DPP10: variants seen among roughly 807,000 people sequenced by gnomAD.
DPP10 encodes inactive dipeptidyl peptidase 10.
Under a neutral mutation model 120.9 loss-of-function variants are expected in DPP10, and 33 were observed. The ratio of observed to expected loss-of-function variants is 0.27; its 90% confidence interval spans 0.21 to 0.37. DPP10 has a LOEUF of 0.37. Among genes scored for constraint, DPP10 ranks in the 10% least tolerant of loss-of-function variants. DPP10 has a pLI of 1.00. For synonymous variants in DPP10, 337 were observed against 326.1 expected (o/e 1.03, Z -0.36); for missense variants, 816 against 942.8 (o/e 0.87, Z 1.76).
At chr2:115,774,418 C>T (rs189896502) in intron 13 of DPP10, among the ~76,000 whole-genome samples, 2 of 152,080 alleles carry the variant, frequency 1.3e-5, no homozygotes, top group East Asian at 1.9e-4. Flanking sequence ...AGTATCCTGT[C>T]CTTGGCTCAT....
chr2:115,145,945 C>T (rs2051199286), intron 1 of DPP10, among the ~76,000 whole-genome samples: 1 of 152,154 alleles, frequency 6.6e-6, no homozygotes, highest in Non-Finnish European at 1.5e-5. Flanking sequence ...TATACTACCA[C>T]TGCTGCCATT....
chr2:115,493,370 T>A (rs72959785), intron 3 of DPP10, among the ~76,000 whole-genome samples: 75 of 152,252 alleles, frequency 4.9e-4, no homozygotes, highest in African/African-American at 1.7e-3. Flanking sequence ...ATTGTAGTAC[T>A]GAGTTTTATA....
At chr2:114,791,475 A>G (rs558703457) in intron 1 of DPP10, among the ~76,000 whole-genome samples, 4 of 152,330 alleles carry the variant, frequency 2.6e-5, no homozygotes, top group African/African-American at 4.8e-5. Context: ...GAAGAGAGGA[A>G]GTAAGCGTAG....
At chr2:115,330,675 CATTT>C (rs1423038260) in intron 2 of DPP10, among the ~76,000 whole-genome samples, 1 of 151,902 alleles carries the variant, frequency 6.6e-6, no homozygotes, top group East Asian at 1.9e-4. Context: ...TTCCCAGCAC[CATTT>C]ATTAAATAGG....
intron 1 of DPP10, among the ~76,000 whole-genome samples, chr2:114,982,939 ATTAT>A (rs146048293): frequency 0.012 from 1,813 of 152,234 alleles, 45 homozygotes; most frequent in African/African-American, 0.039. Context: ...ATTATAAAAG[ATTAT>A]TTGTCTTACT....
chr2:114,856,006 T>C (rs1689338503), intron 1 of DPP10, among the ~76,000 whole-genome samples: 1 of 150,710 alleles, frequency 6.6e-6, no homozygotes, highest in Admixed American at 6.6e-5. Context: ...TCAAATAGTT[T>C]ATATACAGAA....
chr2:115,726,856 A>C (rs1249781364), intron 7 of DPP10, among the ~76,000 whole-genome samples: 1 of 152,062 alleles, frequency 6.6e-6, no homozygotes, highest in African/African-American at 2.4e-5. Context: ...CTGTGTGTTA[A>C]TTCTATACCA....
intron 1 of DPP10, among the ~76,000 whole-genome samples, chr2:114,497,228 T>C (rs1490418401): frequency 1.3e-5 from 2 of 149,204 alleles, no homozygotes; most frequent in African/African-American, 4.9e-5. Flanking sequence ...TGTATGCATG[T>C]ACGTGCGTAT....
chr2:115,043,076 G>A (rs1295204236), intron 1 of DPP10, among the ~76,000 whole-genome samples: 1 of 152,104 alleles, frequency 6.6e-6, no homozygotes, highest in Non-Finnish European at 1.5e-5. Flanking sequence ...AGTGGTGCTG[G>A]AATATATTTA....
intron 1 of DPP10, among the ~76,000 whole-genome samples, chr2:114,942,427 T>A (rs1697031864): frequency 8.1e-6 from 1 of 123,636 alleles, no homozygotes; most frequent in Non-Finnish European, 1.8e-5. Context: ...ATATATGATA[T>A]CTTGATATCT....
intron 1 of DPP10, among the ~76,000 whole-genome samples, chr2:114,739,133 A>C (rs1460285701): frequency 6.6e-6 from 1 of 152,204 alleles, no homozygotes. Context: ...AATGGTTGTC[A>C]TTCTACAAAA....
intron 1 of DPP10, among the ~76,000 whole-genome samples, chr2:114,583,730 G>T (rs1690724963): frequency 6.6e-6 from 1 of 152,136 alleles, no homozygotes; most frequent in African/African-American, 2.4e-5. Context: ...AGAAATACCT[G>T]CTATTTTAAA....
At chr2:114,855,955 A>AT (rs946934261) in intron 1 of DPP10, among the ~76,000 whole-genome samples, 1 of 151,898 alleles carries the variant, frequency 6.6e-6, no homozygotes, top group Admixed American at 6.6e-5. Flanking sequence ...GGCTAAAAAA[A>AT]AAAAGCCACA....
At chr2:114,796,586 C>T (rs6705319) in intron 1 of DPP10, among the ~76,000 whole-genome samples, 80,847 of 151,442 alleles carry the variant, frequency 0.53, 22,026 homozygotes, top group East Asian at 0.77. Context: ...AAAAGTTGTA[C>T]TCAGATTTTT....
intron 1 of DPP10, among the ~76,000 whole-genome samples, chr2:114,468,135 A>G (rs1274981806): frequency 6.6e-6 from 1 of 152,072 alleles, no homozygotes; most frequent in Non-Finnish European, 1.5e-5. Flanking sequence ...TCATTACAAT[A>G]CTCCGTAAAG....
rs530109315 is a variant in DPP10 at position 115,327,047 on chromosome 2, G to C, written c.176-16770G>C. On this transcript the variant is annotated intron_variant, in intron 2 of 25. Transcript: ENST00000410059. ...CAATCCTACAAGCTCCATTCTTGAA[G>C]TGCCCTATCCAGGTGTACCATTCTT... is the stretch of plus-strand genomic sequence containing the variant. 3.3e-5 allele frequency among the ~76,000 whole-genome samples: 5 copies of C among 152,072 alleles called. No individual in the cohort carries two copies. The South Asian group carries it at 1.0e-3, about 32-fold the overall frequency.
chr2:114,497,392 CATACAT>C (rs1486390115), intron 1 of DPP10, among the ~76,000 whole-genome samples: 15 of 130,718 alleles, frequency 1.1e-4, no homozygotes, highest in African/African-American at 1.5e-4. Flanking sequence ...TATACATACA[CATACAT>C]ATACATATAC....
chr2:114,909,215 A>T (rs1694190093), intron 1 of DPP10, among the ~76,000 whole-genome samples: 1 of 151,990 alleles, frequency 6.6e-6, no homozygotes, highest in South Asian at 2.1e-4. Context: ...GATTTCTCTG[A>T]TCTTCAGTTT....
chr2:115,146,055 T>A (rs1376666673), intron 1 of DPP10, among the ~76,000 whole-genome samples: 2 of 152,072 alleles, frequency 1.3e-5, no homozygotes, highest in African/African-American at 2.4e-5. Context: ...ACACCATTAT[T>A]ATGCATTTTC....
Sources: gnomAD v4.1 joint callset for allele counts (sites outside exome capture counted in the v4.1 genomes callset) on GRCh38, gnomAD v4.1.1 for gene constraint, MANE v1.5 for transcripts, NCBI Gene and HGNC (gene_info 2026-07-23, HGNC 2026-07-21) for gene names.